DAOA: variants seen among roughly 807,000 people sequenced by gnomAD.
DAOA encodes D-amino acid oxidase activator.
A neutral mutation model predicts 16.4 loss-of-function variants in DAOA; 15 were observed. The ratio of observed to expected loss-of-function variants is 0.91; its 90% CI spans 0.61 to 1.41. The LOEUF is 1.41. Among genes scored for constraint, DAOA ranks in the 40% most tolerant of loss-of-function variants. The pLI, the probability that DAOA is intolerant of heterozygous loss-of-function variation, is 0.00. For synonymous variants in DAOA, 75 were observed against 59.1 expected (o/e 1.27, Z -1.23); for missense variants, 230 against 176.8 (o/e 1.30, Z -1.71).
intron 3 of DAOA, among the ~76,000 whole-genome samples, chr13:105,470,120 T>TTTTTTTTC (rs1185019392): frequency 6.6e-6 from 1 of 151,728 alleles, no homozygotes. Flanking sequence ...ATTGGAATTT[T>TTTTTTTTC]TTTTTTTTTT....
intron 3 of DAOA, among the ~76,000 whole-genome samples, chr13:105,472,175 A>G (rs915320093): frequency 1.3e-5 from 2 of 152,240 alleles, no homozygotes; most frequent in African/African-American, 2.4e-5. Flanking sequence ...GGCTATGCAC[A>G]TGTTATTTAA....
chr13:105,469,475 C>T (rs1876773916), intron 3 of DAOA, among the ~76,000 whole-genome samples: 1 of 152,202 alleles, frequency 6.6e-6, no homozygotes, highest in East Asian at 1.9e-4. Context: ...AAATAATGTA[C>T]CAGTGGTGAA....
rs11287379 is a variant in DAOA at position 105,482,506 on chromosome 13, G to GT, written c.282-7378dup. Among the ~76,000 whole-genome samples, 1,174 of 134,054 alleles carry GT rather than the reference G, an allele frequency of 8.8e-3. 15 individuals are homozygous for GT. Among genetic ancestry groups the GT allele is most frequent in the Non-Finnish European group, 0.011 (665 of 61,876 alleles). 87.9% of individuals were successfully genotyped at this position (134,054 alleles called of 152,430 possible). Reference sequence around the variant, plus strand: ...CTCCTCTGCTTTGACCTTGGTGTAAGTTTTTTTTTTTTTTTTTCTTTGAGA... The same window carrying GT: ...CTCCTCTGCTTTGACCTTGGTGTAAGTTTTTTTTTTTTTTTTTTCTTTGAGA... On this transcript the variant is annotated intron_variant, in intron 4 of 5. Coordinates refer to ENST00000375936, the MANE Select transcript of DAOA (RefSeq NM_172370.5).
At chr13:105,470,957 A>G (rs1305465231) in intron 3 of DAOA, among the ~76,000 whole-genome samples, 1 of 152,008 alleles carries the variant, frequency 6.6e-6, no homozygotes, top group Non-Finnish European at 1.5e-5. Context: ...AGCCTGGCTA[A>G]TTTTTTGTTT....
chr13:105,472,793 A>C, intron 4 of DAOA, 108 bp downstream of exon 4: 2 of 957,508 alleles, frequency 2.1e-6, no homozygotes, highest in Non-Finnish European at 1.5e-6. Flanking sequence ...ATTATACTTC[A>C]TGTTGAACTT....
intron 3 of DAOA, among the ~76,000 whole-genome samples, chr13:105,470,261 A>C (rs927227432): frequency 6.6e-6 from 1 of 152,184 alleles, no homozygotes; most frequent in African/African-American, 2.4e-5. Context: ...TTATGTATTA[A>C]GCACACTGTC....
Position 105,490,053 on chromosome 13 carries a change from A to G in DAOA, c.434A>G (p.Lys145Arg), listed in dbSNP as rs367543081. Residue 145 changes from lysine (K) to arginine (R), a missense_variant, in exon 5 of 6, where the codon AAG (lysine) becomes AGG (arginine). Transcript: ENST00000375936. ...NQQKDQSCNH[K>R]EITSTKAE Reference sequence around the variant, plus strand: ...CAAAAAGACCAGTCATGCAACCACAAGGAAATAACTTCTACCAAAGCTGAA... The same window carrying G: ...CAAAAAGACCAGTCATGCAACCACAGGGAAATAACTTCTACCAAAGCTGAA... 114 of 1,581,666 alleles carry G rather than the reference A, an allele frequency of 7.2e-5. No individual in the cohort carries two copies. The highest frequency in any genetic ancestry group is 6.6e-4 in the Middle Eastern group (4 of 6,020).
chr13:105,466,035 A>C, upstream of DAOA: 1 of 399,396 alleles, frequency 2.5e-6, no homozygotes, highest in Non-Finnish European at 4.3e-6. Flanking sequence ...AAAGCCAGAA[A>C]GTAGAGTGAA....
intron 4 of DAOA, among the ~76,000 whole-genome samples, chr13:105,473,183 G>C (rs1342588760): frequency 6.6e-6 from 1 of 151,900 alleles, no homozygotes; most frequent in South Asian, 2.1e-4. Context: ...GTGTGTTTGT[G>C]TGTGTAGGTG....
intron 4 of DAOA, among the ~76,000 whole-genome samples, chr13:105,473,416 T>A (rs1052589751): frequency 6.6e-6 from 1 of 152,052 alleles, no homozygotes; most frequent in African/African-American, 2.4e-5. Context: ...AACATTGCAT[T>A]TTTTTTACCT....
chr13:105,473,074 G>A (rs1338484458), intron 4 of DAOA, among the ~76,000 whole-genome samples: 1 of 151,988 alleles, frequency 6.6e-6, no homozygotes, highest in Non-Finnish European at 1.5e-5. Context: ...TATTGAGAGG[G>A]AAATATGTGA....
At position 105,472,648 on chromosome 13, in the gene DAOA, T is replaced by G; in HGVS notation, c.244T>G (p.Cys82Gly). 1.2e-6 allele frequency: 2 copies of G among 1,614,094 alleles called. No individual in the cohort carries two copies. The highest frequency in any genetic ancestry group is 1.7e-6 in the Non-Finnish European group (2 of 1,179,940). Residue 82 changes from cysteine (C) to glycine (G), a missense_variant, in exon 4 of 6, where the codon TGT (cysteine) becomes GGT (glycine). Cys to Gly is a radical substitution (Grantham distance 159, BLOSUM62 -3). Transcript: ENST00000375936. ...ACAGAGGCATTTACAGAGATCATTATGTCCTTGGGTCTCTTACCTTCCTCA... is the reference window on the plus strand; with the variant it reads ...ACAGAGGCATTTACAGAGATCATTAGGTCCTTGGGTCTCTTACCTTCCTCA... ...MAQRHLQRSL[C>G]PWVSYLPQPY...
chr13:105,486,349 C>A (rs963894564), intron 4 of DAOA, among the ~76,000 whole-genome samples: 4 of 152,104 alleles, frequency 2.6e-5, no homozygotes, highest in African/African-American at 9.7e-5. Context: ...CCCAAACCCA[C>A]CTGCTTCATT....
chr13:105,476,702 A>T (rs893594634), intron 4 of DAOA, among the ~76,000 whole-genome samples: 2 of 152,074 alleles, frequency 1.3e-5, no homozygotes, highest in Non-Finnish European at 2.9e-5. Flanking sequence ...GGCCAGCCAC[A>T]GTTCCAATTA....
At chr13:105,476,834 T>C (rs991696508) in intron 4 of DAOA, among the ~76,000 whole-genome samples, 2 of 151,926 alleles carry the variant, frequency 1.3e-5, no homozygotes, top group African/African-American at 2.4e-5. Flanking sequence ...CAGGCTCCCA[T>C]TGATTGGTGT....
intron 2 of DAOA, among the ~76,000 whole-genome samples, chr13:105,466,847 G>C (rs1876554372): frequency 6.6e-6 from 1 of 151,392 alleles, no homozygotes; most frequent in South Asian, 2.1e-4. Context: ...GTATGACTGA[G>C]CAATTTATAA....
chr13:105,480,489 A>G (rs1020187617), intron 4 of DAOA, among the ~76,000 whole-genome samples: 6 of 151,620 alleles, frequency 4.0e-5, no homozygotes, highest in African/African-American at 1.5e-4. Context: ...ATAGATATAG[A>G]TAATAGATAC....
chr13:105,487,233 G>T (rs183536081), intron 4 of DAOA, among the ~76,000 whole-genome samples: 1 of 152,156 alleles, frequency 6.6e-6, no homozygotes, highest in Admixed American at 6.6e-5. Flanking sequence ...TCAGTCAAAT[G>T]GACTGGCTTC....
intron 3 of DAOA, among the ~76,000 whole-genome samples, chr13:105,469,702 C>T (rs1876792729): frequency 6.6e-6 from 1 of 152,198 alleles, no homozygotes; most frequent in African/African-American, 2.4e-5. Flanking sequence ...GGTAGCATTC[C>T]TTCTTTCTGT....
Sources: allele counts gnomAD v4.1 joint callset (sites outside exome capture counted in the v4.1 genomes callset), GRCh38; gene constraint gnomAD v4.1.1; transcripts MANE v1.5; gene names NCBI Gene and HGNC (gene_info 2026-07-23, HGNC 2026-07-21).